The following NR3C1 variants were observed in gnomAD, a reference collection of about 807,000 sequenced individuals.
The protein encoded by NR3C1 is nuclear receptor subfamily 3 group C member 1, also known as glucocorticoid receptor.
A neutral mutation model predicts 74.0 loss-of-function variants in NR3C1; 14 were observed. The observed-to-expected ratio is 0.19, with a 90% CI of 0.12 to 0.30. NR3C1 has a LOEUF of 0.30. Ranked by LOEUF, NR3C1 falls within the 10% of genes least tolerant of loss-of-function variation. The pLI, the probability that NR3C1 is intolerant of heterozygous loss-of-function variation, is 1.00. For synonymous variants in NR3C1, 308 were observed against 332.5 expected (o/e 0.93, Z 0.80); for missense variants, 695 against 909.8 (o/e 0.76, Z 3.04).
chr5:143,279,205 C>A lies in NR3C1; in HGVS notation c.*2684G>T. 2.6e-6 allele frequency: 2 copies of A among 762,306 alleles called. No homozygotes were observed. The highest frequency in any genetic ancestry group is 4.1e-6 in the Non-Finnish European group (2 of 492,562). 47.2% of individuals were successfully genotyped at this position (762,306 alleles called of 1,614,324 possible). On this transcript the variant is annotated 3_prime_UTR_variant, in exon 9 of 9. Coordinates refer to ENST00000394464, the MANE Select transcript of NR3C1 (RefSeq NM_000176.3). Reference sequence around the variant, plus strand: ...ATTAAGATGACTTTCTTTTCCCCCACGTATCCTAAAAGGGCACAGCTTCTT... The same window carrying A: ...ATTAAGATGACTTTCTTTTCCCCCAAGTATCCTAAAAGGGCACAGCTTCTT...
At chr5:143,383,924 G>A (rs1488279837) in intron 2 of NR3C1, among the ~76,000 whole-genome samples, 1 of 152,156 alleles carries the variant, frequency 6.6e-6, no homozygotes, top group Non-Finnish European at 1.5e-5. Context: ...CAACTTTGGG[G>A]AAATCTATTG....
upstream of NR3C1, among the ~76,000 whole-genome samples, chr5:143,405,787 A>C (rs1378572461): frequency 6.6e-6 from 1 of 152,188 alleles, no homozygotes; most frequent in South Asian, 2.1e-4. Flanking sequence ...CCCAGAAGGC[A>C]GACTCCGCTT....
At chr5:143,292,089 T>C (rs537583396) in intron 7 of NR3C1, among the ~76,000 whole-genome samples, 1 of 152,362 alleles carries the variant, frequency 6.6e-6, no homozygotes, top group East Asian at 1.9e-4. Context: ...TGAGGTTTCA[T>C]GCTAATCTGG....
At chr5:143,424,336 A>G (rs543777580) in intron 1 of NR3C1, among the ~76,000 whole-genome samples, 1 of 152,282 alleles carries the variant, frequency 6.6e-6, no homozygotes, top group East Asian at 1.9e-4. Flanking sequence ...ACAAAAATTT[A>G]TTGTATATTT....
At chr5:143,358,915 T>A (rs1831694287) in intron 2 of NR3C1, among the ~76,000 whole-genome samples, 1 of 150,892 alleles carries the variant, frequency 6.6e-6, no homozygotes. Context: ...AAAAAAAAAA[T>A]TAAATCTTAT....
chr5:143,350,917 T>C (rs887932137), intron 2 of NR3C1, among the ~76,000 whole-genome samples: 4 of 152,172 alleles, frequency 2.6e-5, no homozygotes, highest in African/African-American at 9.7e-5. Context: ...AAGTGCCCAC[T>C]GAATTTAAGG....
intron 1 of NR3C1, among the ~76,000 whole-genome samples, chr5:143,430,081 C>T (rs960170851): frequency 4.2e-5 from 6 of 141,570 alleles, no homozygotes; most frequent in African/African-American, 1.6e-4. Context: ...GACTCCATCT[C>T]CAAAAAAAAA....
At chr5:143,308,748 T>C (rs1820205682) in intron 4 of NR3C1, among the ~76,000 whole-genome samples, 1 of 152,338 alleles carries the variant, frequency 6.6e-6, no homozygotes, top group African/African-American at 2.4e-5. Context: ...ATGCCCTCTA[T>C]GGTGTGCCAT....
intron 1 of NR3C1, chr5:143,402,820 C>G (rs575354365): frequency 1.0e-6 from 1 of 985,452 alleles, no homozygotes; most frequent in South Asian, 4.7e-5. Context: ...AATTCAGACG[C>G]GGCTTAGCGT....
At chr5:143,330,158 T>C (rs17339455) in intron 2 of NR3C1, among the ~76,000 whole-genome samples, 24,300 of 152,204 alleles carry the variant, frequency 0.16, 2,365 homozygotes, top group Middle Eastern at 0.25. Flanking sequence ...TCTTCTAAAA[T>C]GCTATTTGCT....
intron 2 of NR3C1, among the ~76,000 whole-genome samples, chr5:143,371,947 A>G (rs1272971110): frequency 6.6e-6 from 1 of 152,202 alleles, no homozygotes; most frequent in African/African-American, 2.4e-5. Flanking sequence ...TAACACTAAA[A>G]GAGTAGTCTC....
intron 2 of NR3C1, among the ~76,000 whole-genome samples, chr5:143,398,023 T>C (rs1373552019): frequency 1.3e-5 from 2 of 151,970 alleles, no homozygotes; most frequent in East Asian, 3.8e-4. Context: ...GATGTTTTAT[T>C]TTTCTTTGTA....
upstream of NR3C1, chr5:143,403,890 C>A (rs1318888700): frequency 2.0e-6 from 2 of 980,798 alleles, no homozygotes; most frequent in South Asian, 4.7e-5. Flanking sequence ...ACGCCCGCGT[C>A]CCCTGGCGTG....
intron 1 of NR3C1, among the ~76,000 whole-genome samples, chr5:143,413,186 T>C (rs1044108858): frequency 6.6e-6 from 1 of 152,168 alleles, no homozygotes; most frequent in African/African-American, 2.4e-5. Flanking sequence ...GTTAGATGCA[T>C]AGGGCACTTC....
chr5:143,390,980 G>A (rs947175493), intron 2 of NR3C1, among the ~76,000 whole-genome samples: 1 of 152,028 alleles, frequency 6.6e-6, no homozygotes, highest in Non-Finnish European at 1.5e-5. Context: ...GTTTCAAAGA[G>A]GAGCAATATA....
intron 2 of NR3C1, among the ~76,000 whole-genome samples, chr5:143,324,049 G>T (rs935924352): frequency 1.4e-4 from 22 of 152,302 alleles, no homozygotes; most frequent in African/African-American, 5.3e-4. Flanking sequence ...GGCATTGAGT[G>T]TCTGTGGCTT....
chr5:143,284,306 C>A (rs954289422), intron 7 of NR3C1, among the ~76,000 whole-genome samples: 4 of 151,976 alleles, frequency 2.6e-5, no homozygotes, highest in African/African-American at 7.3e-5. Context: ...GAGCATCTTT[C>A]CTGCTCTTTT....
At chr5:143,377,377 T>C (rs1488521818) in intron 2 of NR3C1, among the ~76,000 whole-genome samples, 1 of 152,198 alleles carries the variant, frequency 6.6e-6, no homozygotes, top group East Asian at 1.9e-4. Context: ...GCCAGGATGA[T>C]ACTTGACCCA....
chr5:143,309,333 A>C (rs1820395194), intron 4 of NR3C1, among the ~76,000 whole-genome samples: 1 of 152,190 alleles, frequency 6.6e-6, no homozygotes, highest in Non-Finnish European at 1.5e-5. Flanking sequence ...GGTCTCCCAA[A>C]GTGCGGGGAG....
Sources: allele counts gnomAD v4.1 joint callset (sites outside exome capture counted in the v4.1 genomes callset), GRCh38; gene constraint gnomAD v4.1.1; transcripts MANE v1.5; gene names NCBI Gene and HGNC (gene_info 2026-07-23, HGNC 2026-07-21).